COBL: variants seen among roughly 807,000 people sequenced by gnomAD.
COBL encodes the protein protein cordon-bleu.
In COBL, 51 loss-of-function variants were observed where a neutral mutation model predicts 98.8. That is an observed-to-expected ratio of 0.52 (90% CI 0.41 to 0.65). The LOEUF (loss-of-function observed/expected upper bound fraction) is 0.65, where lower values mean the gene tolerates loss of function less well. COBL is among the 30% of genes least tolerant of loss of function. The probability of loss-of-function intolerance (pLI) is 0.00; values close to 1 mark genes in which losing one functional copy is unlikely to be tolerated. For missense variants in COBL, 1,617 were observed against 1,617.5 expected (o/e 1.00, Z 0.01); for synonymous variants, 634 against 651.7 (o/e 0.97, Z 0.41).
At chr7:51,172,061 A>G (rs925969265) in intron 5 of COBL, among the ~76,000 whole-genome samples, 3 of 152,366 alleles carry the variant, frequency 2.0e-5, no homozygotes, top group Middle Eastern at 3.4e-3. Context: ...GGTAGTTTTC[A>G]GAAATCCTTT....
intron 1 of COBL, among the ~76,000 whole-genome samples, chr7:51,241,957 AC>A (rs11338112): frequency 0.28 from 42,151 of 151,918 alleles, 7,427 homozygotes; most frequent in East Asian, 0.66. Flanking sequence ...GAAAACCCCA[AC>A]TTTGCACTCC....
chr7:51,178,156 G>GTC (rs1417488643), intron 5 of COBL, among the ~76,000 whole-genome samples: 5 of 151,326 alleles, frequency 3.3e-5, no homozygotes, highest in Admixed American at 6.6e-5. Flanking sequence ...CTCACTCTCT[G>GTC]TCTCTCTCTC....
intron 6 of COBL, among the ~76,000 whole-genome samples, chr7:51,118,245 A>C (rs1202487826): frequency 6.6e-6 from 1 of 152,128 alleles, no homozygotes; most frequent in Non-Finnish European, 1.5e-5. Flanking sequence ...TTTAAACACA[A>C]ACACACACAT....
intron 1 of COBL, among the ~76,000 whole-genome samples, chr7:51,224,273 T>G (rs1793954176): frequency 6.6e-6 from 1 of 152,210 alleles, no homozygotes; most frequent in Admixed American, 6.5e-5. Flanking sequence ...AAAATGCTTA[T>G]TGATGATGAT....
At chr7:51,042,408 G>A (rs1016526340) in intron 8 of COBL, among the ~76,000 whole-genome samples, 1 of 152,126 alleles carries the variant, frequency 6.6e-6, no homozygotes, top group Non-Finnish European at 1.5e-5. Flanking sequence ...TGCCCAGGAT[G>A]GAGTATAGTG....
At chr7:51,042,701 C>A (rs138895697) in intron 8 of COBL, among the ~76,000 whole-genome samples, 3 of 152,130 alleles carry the variant, frequency 2.0e-5, no homozygotes, top group African/African-American at 7.2e-5. Flanking sequence ...GGCTATGAAA[C>A]GGCAATTAAT....
At chr7:51,182,329 T>C (rs908028547) in intron 5 of COBL, among the ~76,000 whole-genome samples, 5 of 151,538 alleles carry the variant, frequency 3.3e-5, no homozygotes, top group Non-Finnish European at 7.4e-5. Flanking sequence ...TCGCCCAGGC[T>C]GGAGTGCGCT....
intron 6 of COBL, among the ~76,000 whole-genome samples, chr7:51,130,714 A>G (rs1019835615): frequency 6.6e-6 from 1 of 152,236 alleles, no homozygotes; most frequent in Non-Finnish European, 1.5e-5. Flanking sequence ...AGAGTGACTG[A>G]TGATGATCAA....
chr7:51,287,068 T>C (rs1251838398), intron 1 of COBL, among the ~76,000 whole-genome samples: 1 of 151,984 alleles, frequency 6.6e-6, no homozygotes, highest in Non-Finnish European at 1.5e-5. Context: ...TGAGTACACA[T>C]GGACACAAAG....
At chr7:51,122,847 C>T (rs1395368982) in intron 6 of COBL, among the ~76,000 whole-genome samples, 2 of 152,008 alleles carry the variant, frequency 1.3e-5, no homozygotes, top group South Asian at 2.1e-4. Flanking sequence ...GGCATGGTGG[C>T]GCATGGCTAT....
chr7:51,258,630 C>G (rs1178023877), intron 1 of COBL, among the ~76,000 whole-genome samples: 1 of 151,970 alleles, frequency 6.6e-6, no homozygotes. Flanking sequence ...GATAAAAATT[C>G]CCCAAAAAAG....
At chr7:51,303,176 C>T (rs1802146009) in intron 1 of COBL, among the ~76,000 whole-genome samples, 1 of 152,214 alleles carries the variant, frequency 6.6e-6, no homozygotes, top group Non-Finnish European at 1.5e-5. Context: ...CATTCGGATG[C>T]AGAGATAGAC....
intron 7 of COBL, among the ~76,000 whole-genome samples, chr7:51,062,327 A>G (rs1421306358): frequency 6.6e-6 from 1 of 152,042 alleles, no homozygotes; most frequent in Non-Finnish European, 1.5e-5. Flanking sequence ...CAGGAGATAC[A>G]TCCAAGGAAA....
At position 51,316,637 on chromosome 7, in the gene COBL, G is replaced by C. The variant is rs1386444641; in HGVS notation, c.-4C>G. The C allele has an allele frequency of 8.3e-7, 1 of 1,197,918 alleles. No homozygotes were observed. 74.2% of individuals were successfully genotyped at this position (1,197,918 alleles called of 1,614,324 possible). On this transcript the variant is annotated 5_prime_UTR_variant, in exon 1 of 13. Coordinates refer to ENST00000265136, the MANE Select transcript of COBL (RefSeq NM_015198.5). ...CCGAGGCGCGCGGCGCGTCCATGGT[G>C]CCGGGGGCCGGGACGCGGGCGGTGC...
intron 5 of COBL, among the ~76,000 whole-genome samples, chr7:51,155,991 TA>T (rs1203592271): frequency 2.6e-5 from 4 of 152,198 alleles, no homozygotes; most frequent in African/African-American, 4.8e-5. Context: ...AGTTTCTCCA[TA>T]AACCACTGTA....
intron 5 of COBL, chr7:51,156,161 G>T (rs1330848747): frequency 5.1e-6 from 5 of 984,936 alleles, no homozygotes; most frequent in Non-Finnish European, 6.0e-6. Context: ...ATCACTAAAT[G>T]TTGATTTTTG....
chr7:51,250,748 G>T (rs181414445), intron 1 of COBL, among the ~76,000 whole-genome samples: 1 of 152,290 alleles, frequency 6.6e-6, no homozygotes, highest in Non-Finnish European at 1.5e-5. Flanking sequence ...GGAAAAAGGT[G>T]GCAGTCCTTC....
intron 5 of COBL, among the ~76,000 whole-genome samples, chr7:51,178,317 G>T (rs1788610972): frequency 6.6e-6 from 1 of 151,974 alleles, no homozygotes. Flanking sequence ...ATGGGTATAG[G>T]AAGTTAGAAA....
intron 1 of COBL, among the ~76,000 whole-genome samples, chr7:51,264,017 T>C (rs1030065853): frequency 1.3e-5 from 2 of 152,102 alleles, no homozygotes; most frequent in Admixed American, 6.5e-5. Flanking sequence ...TTATAGAAGA[T>C]GAAACTGAAA....
Sources: allele counts gnomAD v4.1 joint callset (sites outside exome capture counted in the v4.1 genomes callset), GRCh38; gene constraint gnomAD v4.1.1; transcripts MANE v1.5; gene names NCBI Gene and HGNC (gene_info 2026-07-23, HGNC 2026-07-21).